The following ADGB variants were observed in gnomAD, a reference collection of about 807,000 sequenced individuals.
ADGB encodes calpain-7-like protein.
Under a neutral mutation model 210.5 loss-of-function variants are expected in ADGB, and 172 were observed. The observed-to-expected ratio is 0.82, with a 90% CI of 0.72 to 0.93. ADGB has a LOEUF of 0.93. Ranked by LOEUF, ADGB falls within the 40% of genes least tolerant of loss-of-function variation. ADGB has a pLI of 0.00. For synonymous variants in ADGB, 658 were observed against 662.7 expected, an observed-to-expected ratio of 0.99 and a Z score of 0.11; for missense variants, 2,025 against 1,964.8, an observed-to-expected ratio of 1.03 and a Z score of -0.58.
chr6:146,764,034 ACCCC>A lies in ADGB; in HGVS notation c.3685_3688del (p.Pro1229LeufsTer43). On this transcript the variant is annotated frameshift_variant, in exon 28 of 36. Coordinates refer to ENST00000397944, the MANE Select transcript of ADGB (RefSeq NM_024694.4). LOFTEE classifies it high-confidence loss of function. ...TAAGTGCAATACAAGACATTGGTCTACCCCTTGTGGAGGAGGAAACTACCAGTAC... is the reference window on the plus strand; with the variant it reads ...TAAGTGCAATACAAGACATTGGTCTATTGTGGAGGAGGAAACTACCAGTAC... The A allele has an allele frequency of 6.4e-7, 1 of 1,551,464 alleles. No individual in the cohort carries two copies. The highest frequency in any genetic ancestry group is 1.2e-5 in the South Asian group (1 of 84,052).
At chr6:146,772,975 C>A (rs1777673491) in intron 29 of ADGB, among the ~76,000 whole-genome samples, 1 of 152,110 alleles carries the variant, frequency 6.6e-6, no homozygotes, top group Non-Finnish European at 1.5e-5. Flanking sequence ...ACATCACTCA[C>A]AGGAGCACTT....
intron 13 of ADGB, among the ~76,000 whole-genome samples, chr6:146,705,477 TA>T (rs2114550202): frequency 1.3e-5 from 2 of 152,316 alleles, no homozygotes; most frequent in East Asian, 3.9e-4. Context: ...AGAGGTTTTT[TA>T]ATCATAAAAG....
At chr6:146,720,414 G>A (rs898281564) in intron 16 of ADGB, among the ~76,000 whole-genome samples, 5 of 152,194 alleles carry the variant, frequency 3.3e-5, no homozygotes, top group South Asian at 2.1e-4. Flanking sequence ...AGGATGAACC[G>A]AAATTATATA....
At position 146,691,121 on chromosome 6, in the gene ADGB, T is replaced by C; in HGVS notation, c.1317T>C (p.Asp439=). 2.6e-6 allele frequency: 4 copies of C among 1,520,210 alleles called. No individual in the cohort carries two copies. The allele number at this position is 1,520,210 out of a possible 1,614,324, so 94.2% of individuals were successfully genotyped here. ...ATTTACTTTCCATCTTCTAGGCAGA[T>C]TCTGCTGAGAAACTTAGAGAATATG... ...NKIFSLEKMA[D]SAEKLREYGL... The change falls in exon 11 of 36, where the codon GAT becomes GAC. Residue 439 remains aspartate (D), a synonymous_variant. Transcript: ENST00000397944.
At chr6:146,734,492 T>C (rs1191148088) in intron 22 of ADGB, among the ~76,000 whole-genome samples, 1 of 152,218 alleles carries the variant, frequency 6.6e-6, no homozygotes, top group Non-Finnish European at 1.5e-5. Flanking sequence ...AAGAAGCCAC[T>C]ATGTATGTCC....
At chr6:146,781,759 A>G (rs1777803357) in intron 29 of ADGB, among the ~76,000 whole-genome samples, 2 of 152,058 alleles carry the variant, frequency 1.3e-5, no homozygotes, top group South Asian at 4.1e-4. Flanking sequence ...TAAATTGTAT[A>G]GTGGTGATGG....
At chr6:146,608,258 TTTA>T (rs563744735) in intron 1 of ADGB, among the ~76,000 whole-genome samples, 28 of 151,850 alleles carry the variant, frequency 1.8e-4, no homozygotes, top group African/African-American at 6.3e-4. Context: ...GGTAGTGTGT[TTTA>T]TTATTATTAT....
In ADGB at chr6:146,815,016, T is replaced by A. The variant is rs758926169; in HGVS notation, c.4819-16T>A. The A allele has an allele frequency of 6.6e-7, 1 of 1,523,420 alleles. No homozygotes were observed. Among genetic ancestry groups the A allele is most frequent in the African/African-American group, 1.4e-5 (1 of 70,792 alleles). 94.4% of individuals were successfully genotyped at this position (1,523,420 alleles called of 1,614,324 possible). On this transcript the variant is annotated splice_polypyrimidine_tract_variant and intron_variant, in intron 35 of 35. Transcript: ENST00000397944. ...ACCAGTGGAACTTATTTGTTTGGGG[T>A]TTTGCTTTGGAACAGGACTCCTTAG...
chr6:146,638,234 T>C (rs1156805136), intron 2 of ADGB, among the ~76,000 whole-genome samples: 2 of 152,010 alleles, frequency 1.3e-5, no homozygotes, highest in African/African-American at 4.8e-5. Context: ...GCAGCTCGCT[T>C]CCAGCATTCA....
chr6:146,605,882 T>A (rs1780623610), intron 1 of ADGB, among the ~76,000 whole-genome samples: 4 of 152,208 alleles, frequency 2.6e-5, no homozygotes, highest in Admixed American at 2.0e-4. Context: ...CTACAATGAA[T>A]ATACACATGC....
chr6:146,716,709 T>G (rs1776741014), intron 14 of ADGB, among the ~76,000 whole-genome samples, 174 bp from the exon 15 acceptor site: 1 of 152,190 alleles, frequency 6.6e-6, no homozygotes, highest in Admixed American at 6.5e-5. Flanking sequence ...AATTCTCCTT[T>G]GTGTATGAAA....
intron 26 of ADGB, 68 bp from the exon 27 acceptor site, chr6:146,752,462 A>T (rs1404020862): frequency 7.2e-7 from 1 of 1,388,430 alleles, no homozygotes; most frequent in East Asian, 2.5e-5. Flanking sequence ...TATCCAAACT[A>T]TCTCACTTAC....
rs188915369 is a variant in ADGB, at chr6:146,809,083, T to C, written c.4819-5949T>C. On this transcript the variant is annotated intron_variant, in intron 35 of 35. Coordinates refer to ENST00000397944, the MANE Select transcript of ADGB (RefSeq NM_024694.4). ...TACAGCTGTGACGGTTTAGCATTTA[T>C]GTGGAACATGTTCTGCTACTTGAGA... Among the ~76,000 whole-genome samples, 264 of 152,010 alleles carry C rather than the reference T, an allele frequency of 1.7e-3. 1 individual carries two copies. The highest frequency in any genetic ancestry group is 6.0e-3 in the African/African-American group (250 of 41,380).
At chr6:146,623,664 C>T (rs7746671) in intron 1 of ADGB, among the ~76,000 whole-genome samples, 39,970 of 151,616 alleles carry the variant, frequency 0.26, 5,708 homozygotes, top group African/African-American at 0.38. Context: ...TGTCCTATTT[C>T]TAATTAGGTG....
intron 1 of ADGB, among the ~76,000 whole-genome samples, chr6:146,603,343 C>T (rs904445974): frequency 1.3e-5 from 2 of 152,072 alleles, no homozygotes; most frequent in African/African-American, 2.4e-5. Context: ...CTTGGAAGTA[C>T]TAAATATAAT....
chr6:146,742,349 A>G (rs1777173490), intron 25 of ADGB, among the ~76,000 whole-genome samples: 1 of 151,810 alleles, frequency 6.6e-6, no homozygotes, highest in Non-Finnish European at 1.5e-5. Flanking sequence ...ATCATTTTTA[A>G]TAAGACAGAT....
Position 146,815,026 on chromosome 6 carries a change from G to A in ADGB, c.4819-6G>A. ...CTTATTTGTTTGGGGTTTTGCTTTGGAACAGGACTCCTTAGATGAAGCCCG... is the reference window on the plus strand; with the variant it reads ...CTTATTTGTTTGGGGTTTTGCTTTGAAACAGGACTCCTTAGATGAAGCCCG... On this transcript the variant is annotated splice_region_variant and splice_polypyrimidine_tract_variant and intron_variant, in intron 35 of 35. Coordinates refer to ENST00000397944, the MANE Select transcript of ADGB (RefSeq NM_024694.4). 1 of 1,531,750 alleles carries A rather than the reference G, an allele frequency of 6.5e-7. No individual in the cohort carries two copies. Among genetic ancestry groups the A allele is most frequent in the Non-Finnish European group, 8.8e-7 (1 of 1,141,992 alleles). The allele number at this position is 1,531,750 out of a possible 1,614,324, so 94.9% of individuals were successfully genotyped here. A position where few individuals can be genotyped will look rare whatever the true frequency, so the allele number is the denominator to read the frequency against.
chr6:146,733,995 C>T lies in ADGB; in HGVS notation c.2759C>T (p.Thr920Ile). Residue 920 changes from threonine to isoleucine, a missense_variant, in exon 22 of 36, where the codon ACT becomes ATT. Thr to Ile is a moderately conservative substitution (Grantham distance 89). Transcript: ENST00000397944. ...AIKIQAMWRG[T>I]YVRLLMKARI... ...AAAATTCAAGCCATGTGGAGAGGAA[C>T]TTACGTTAGATTGCTTATGAAAGCC... The T allele has an allele frequency of 3.2e-6, 5 of 1,551,512 alleles. No homozygotes were observed. The highest frequency in any genetic ancestry group is 1.4e-5 in the African/African-American group (1 of 73,134).
chr6:146,644,971 G>A, intron 3 of ADGB, 106 bp downstream of exon 3: 2 of 577,262 alleles, frequency 3.5e-6, no homozygotes, highest in Non-Finnish European at 5.7e-6. Context: ...TTTCTCTTGT[G>A]GTATTCAGTA....
Sources: gnomAD v4.1 joint callset for allele counts (sites outside exome capture counted in the v4.1 genomes callset) on GRCh38, gnomAD v4.1.1 for gene constraint, MANE v1.5 for transcripts, NCBI Gene and HGNC (gene_info 2026-07-23, HGNC 2026-07-21) for gene names.